The following FER variants were observed in gnomAD, a reference collection of about 807,000 sequenced individuals.
FER encodes FER tyrosine kinase, also known as tyrosine-protein kinase Fer.
FER carries 63 observed loss-of-function variants against 111.0 expected under a neutral mutation model. The ratio of observed to expected loss-of-function variants is 0.57; its 90% CI spans 0.46 to 0.70. The LOEUF is 0.70. Among genes scored for constraint, FER ranks in the 30% least tolerant of loss-of-function variants. FER has a pLI of 0.00. For missense variants in FER, 914 were observed against 954.0 expected, an observed-to-expected ratio of 0.96 and a Z score of 0.55; for synonymous variants, 327 against 313.9, an observed-to-expected ratio of 1.04 and a Z score of -0.44.
chr5:108,958,325 G>A (rs138231847), intron 12 of FER, among the ~76,000 whole-genome samples: 24 of 151,652 alleles, frequency 1.6e-4, no homozygotes, highest in African/African-American at 5.8e-4. Flanking sequence ...TTAAAATGGG[G>A]GTACTCCCAT....
intron 3 of FER, among the ~76,000 whole-genome samples, chr5:108,803,546 A>G (rs1756895595): frequency 6.6e-6 from 1 of 152,186 alleles, no homozygotes; most frequent in African/African-American, 2.4e-5. Flanking sequence ...ATTCTTCTGC[A>G]TATAAAGCTA....
intron 10 of FER, among the ~76,000 whole-genome samples, chr5:108,901,054 G>T (rs1017245188): frequency 2.0e-5 from 3 of 151,966 alleles, no homozygotes; most frequent in Admixed American, 6.6e-5. Flanking sequence ...AGGGAGTTTG[G>T]CTCCCCTTTA....
At chr5:109,119,303 A>G (rs1003940140) in intron 17 of FER, among the ~76,000 whole-genome samples, 1 of 152,068 alleles carries the variant, frequency 6.6e-6, no homozygotes. Context: ...TTCAGTTTCC[A>G]TGTAGTTGAG....
chr5:108,897,821 A>G lies in FER; in HGVS notation c.1209A>G (p.Glu403=). The change falls in exon 10 of 20, where the codon GAA becomes GAG. Residue 403 remains glutamate, a synonymous_variant. Transcript: ENST00000281092. ...GKEPPPVVNY[E]EDARSVTSME... ...AGCCACCTCCAGTAGTAAATTATGA[A>G]GAAGATGCACGATCAGTTACATCTA... The G allele has an allele frequency of 6.2e-7, 1 of 1,612,296 alleles. No individual in the cohort carries two copies. Among genetic ancestry groups the G allele is most frequent in the Non-Finnish European group, 8.5e-7 (1 of 1,179,348 alleles).
chr5:109,190,494 TTCA>T lies in FER; in HGVS notation c.*2924_*2926del, dbSNP rs1759306187. 1 of 152,144 alleles carries T rather than the reference TTCA, an allele frequency of 6.6e-6. No homozygotes were observed. The allele number at this position is 152,144 out of a possible 1,614,324, so 9.4% of individuals were successfully genotyped here. A position where few individuals can be genotyped will look rare whatever the true frequency, so the allele number is the denominator to read the frequency against. On this transcript the variant is annotated 3_prime_UTR_variant, in exon 20 of 20. Coordinates refer to ENST00000281092, the MANE Select transcript of FER (RefSeq NM_005246.4). Reference sequence around the variant, plus strand: ...GGCCTTTATGAGACAGTTTAGGTTGTTCATCATTTCACAAGGAAAGAAATTTTT... The same window carrying T: ...GGCCTTTATGAGACAGTTTAGGTTGTTCATTTCACAAGGAAAGAAATTTTT...
At position 108,872,204 on chromosome 5, in the gene FER, G is replaced by C; in HGVS notation, c.915G>C (p.Leu305Phe). 1.2e-6 allele frequency: 2 copies of C among 1,604,686 alleles called. No homozygotes were observed. Among genetic ancestry groups the C allele is most frequent in the South Asian group, 2.2e-5 (2 of 89,516 alleles). Residue 305 changes from leucine to phenylalanine, a missense_variant, in exon 8 of 20, where the codon TTG becomes TTC. Coordinates refer to ENST00000281092, the MANE Select transcript of FER (RefSeq NM_005246.4). Reference sequence around the variant, plus strand: ...GGAATAACTTAACAGCAGAAAGTTTGCAAGTAATGTAAGTATTCACAAAAT... The same window carrying C: ...GGAATAACTTAACAGCAGAAAGTTTCCAAGTAATGTAAGTATTCACAAAAT... The part of the protein sequence containing the change: ...IMWNNLTAES[L>F]QVMLKTLAEE...
chr5:109,186,178 A>G (rs752412436), intron 18 of FER, 22 bp from the exon 19 acceptor site: 15 of 1,613,926 alleles, frequency 9.3e-6, no homozygotes, highest in Admixed American at 1.7e-5. Flanking sequence ...TCATGTGGTT[A>G]TGGTTGTTGT....
intron 17 of FER, among the ~76,000 whole-genome samples, chr5:109,140,913 C>G (rs996533339): frequency 1.3e-5 from 2 of 152,170 alleles, no homozygotes; most frequent in Non-Finnish European, 2.9e-5. Context: ...ATACAAAGTA[C>G]CAGAGTCCAT....
At chr5:109,112,535 G>A (rs988874725) in intron 17 of FER, among the ~76,000 whole-genome samples, 7 of 152,136 alleles carry the variant, frequency 4.6e-5, no homozygotes, top group Non-Finnish European at 1.0e-4. Flanking sequence ...GGCTCTGAGA[G>A]AGATCACTAT....
At chr5:108,765,047 G>A (rs1017482492) in intron 1 of FER, among the ~76,000 whole-genome samples, 1 of 152,082 alleles carries the variant, frequency 6.6e-6, no homozygotes, top group Admixed American at 6.5e-5. Context: ...CTATTTTTTG[G>A]CTATGAATGT....
Position 108,944,358 on chromosome 5 carries a change from AC to A in FER, c.1237-1770del, listed in dbSNP as rs559407085. 8.8e-4 allele frequency among the ~76,000 whole-genome samples: 134 copies of A among 151,896 alleles called. 1 individual carries two copies. Among genetic ancestry groups the A allele is most frequent in the African/African-American group, 2.7e-3 (113 of 41,402 alleles). ...TTCACCCCTTCATTAGTCCCCTACT[AC>A]CTCCATTGTGAGGGGCCATCCTTTT... is the stretch of plus-strand genomic sequence containing the variant. On this transcript the variant is annotated intron_variant, in intron 10 of 19. Transcript: ENST00000281092.
chr5:108,865,419 A>G (rs887762191), intron 5 of FER, among the ~76,000 whole-genome samples: 1 of 152,136 alleles, frequency 6.6e-6, no homozygotes, highest in Non-Finnish European at 1.5e-5. Context: ...GTTACACCTT[A>G]TACAAAAATT....
At chr5:109,144,164 G>A (rs533263763) in intron 17 of FER, among the ~76,000 whole-genome samples, 2 of 152,184 alleles carry the variant, frequency 1.3e-5, no homozygotes, top group African/African-American at 2.4e-5. Flanking sequence ...TCTGAATCCC[G>A]ACTTCCCTGC....
chr5:109,148,391 C>G (rs1188651720), intron 17 of FER, among the ~76,000 whole-genome samples: 1 of 151,852 alleles, frequency 6.6e-6, no homozygotes, highest in African/African-American at 2.4e-5. Flanking sequence ...AGGTGCAGTC[C>G]AGAGAGAAAA....
intron 13 of FER, among the ~76,000 whole-genome samples, chr5:109,002,133 A>C (rs1764861228): frequency 6.6e-6 from 1 of 151,374 alleles, no homozygotes; most frequent in African/African-American, 2.4e-5. Context: ...TTTAAAGTTC[A>C]TATGGAACCA....
At chr5:108,775,666 G>T (rs1019117086) in intron 2 of FER, among the ~76,000 whole-genome samples, 1 of 152,104 alleles carries the variant, frequency 6.6e-6, no homozygotes, top group Non-Finnish European at 1.5e-5. Context: ...CCAGTCAGGT[G>T]CTGTTTCACT....
At position 109,194,630 on chromosome 5, in the gene FER, A is replaced by G. The variant is rs927685192; in HGVS notation, c.*7055A>G. On this transcript the variant is annotated 3_prime_UTR_variant, in exon 20 of 20. Coordinates refer to ENST00000281092, the MANE Select transcript of FER (RefSeq NM_005246.4). Reference sequence around the variant, plus strand: ...TGCAAAAACTGTAACCACTTAAGCAATTCATCTGATCCCAGAAGATCATAC... The same window carrying G: ...TGCAAAAACTGTAACCACTTAAGCAGTTCATCTGATCCCAGAAGATCATAC... The G allele has an allele frequency of 1.1e-4, 17 of 152,228 alleles. No homozygotes were observed. Among genetic ancestry groups the G allele is most frequent in the African/African-American group, 3.9e-4 (16 of 41,442 alleles). 9.4% of individuals were successfully genotyped at this position (152,228 alleles called of 1,614,324 possible). A position where few individuals can be genotyped will look rare whatever the true frequency, so the allele number is the denominator to read the frequency against.
At chr5:108,996,894 G>A (rs2149766607) in intron 13 of FER, among the ~76,000 whole-genome samples, 1 of 152,270 alleles carries the variant, frequency 6.6e-6, no homozygotes, top group East Asian at 1.9e-4. Context: ...TTATCCATGA[G>A]CATGGAATGT....
chr5:108,827,716 G>T (rs945634362), intron 3 of FER, among the ~76,000 whole-genome samples: 2 of 151,130 alleles, frequency 1.3e-5, no homozygotes, highest in East Asian at 3.9e-4. Flanking sequence ...TGTTTCATAC[G>T]TATTGCATAT....
Sources: gnomAD v4.1 joint callset for allele counts (sites outside exome capture counted in the v4.1 genomes callset) on GRCh38, gnomAD v4.1.1 for gene constraint, MANE v1.5 for transcripts, NCBI Gene and HGNC (gene_info 2026-07-23, HGNC 2026-07-21) for gene names.